GLYATL2: variants seen among roughly 807,000 people sequenced by gnomAD.
GLYATL2 encodes the protein glycine N-acyltransferase-like protein 2.
GLYATL2 carries 25 observed loss-of-function variants against 21.4 expected under a neutral mutation model. The observed-to-expected ratio is 1.17, with a 90% CI of 0.85 to 1.63. The LOEUF is 1.63. Ranked by LOEUF, GLYATL2 falls within the 40% of genes most tolerant of loss-of-function variation. The probability of loss-of-function intolerance (pLI) is 0.00; values close to 1 mark genes in which losing one functional copy is unlikely to be tolerated. For synonymous variants in GLYATL2, 114 were observed against 118.2 expected, an observed-to-expected ratio of 0.96 and a Z score of 0.23; for missense variants, 361 against 343.3, an observed-to-expected ratio of 1.05 and a Z score of -0.41.
intron 1 of GLYATL2, among the ~76,000 whole-genome samples, chr11:58,874,443 T>C (rs1407244145): frequency 6.6e-6 from 1 of 152,246 alleles, no homozygotes; most frequent in African/African-American, 2.4e-5. Context: ...TAAATTTCCC[T>C]CTACACACTG....
intron 1 of GLYATL2, among the ~76,000 whole-genome samples, chr11:58,900,600 G>T (rs1391578749): frequency 2.6e-5 from 4 of 152,268 alleles, no homozygotes; most frequent in East Asian, 3.9e-4. Context: ...CGTGACGGGG[G>T]GTAGGTTTGC....
At chr11:58,905,240 C>T (rs1854834628), upstream of GLYATL2, among the ~76,000 whole-genome samples, 1 of 152,388 alleles carries the variant, frequency 6.6e-6, no homozygotes, top group Admixed American at 6.5e-5. Flanking sequence ...GCCAGCCCCT[C>T]CACGAAGTTG....
chr11:58,906,689 T>C (rs901659432), upstream of GLYATL2, among the ~76,000 whole-genome samples: 1 of 152,176 alleles, frequency 6.6e-6, no homozygotes, highest in Non-Finnish European at 1.5e-5. Context: ...CATGTTAGGG[T>C]AGCGCTGCTG....
rs4019865 is a variant in GLYATL2 at position 58,856,289 on chromosome 11, T to G, written n.61-17921A>C. ...AGAGTCTTGCTCAGGATTAAGCTTT[T>G]GTTTATGAATGTTGTGGCTAGTTTA... is the stretch of plus-strand genomic sequence containing the variant. On this transcript the variant is annotated intron_variant and non_coding_transcript_variant, in intron 1 of 4. Transcript: ENST00000533636. 6.5e-3 allele frequency among the ~76,000 whole-genome samples: 996 copies of G among 152,392 alleles called. 11 individuals are homozygous for G. The highest frequency in any genetic ancestry group is 0.023 in the African/African-American group (947 of 41,598).
chr11:58,873,965 G>C (rs1351988549), intron 1 of GLYATL2, among the ~76,000 whole-genome samples: 4 of 151,964 alleles, frequency 2.6e-5, no homozygotes, highest in Admixed American at 6.6e-5. Flanking sequence ...AATTTCAGAG[G>C]GTGTTATTGG....
At chr11:58,907,437 A>G (rs909873236), upstream of GLYATL2, 1 of 452,072 alleles carries the variant, frequency 2.2e-6, no homozygotes, top group African/African-American at 2.0e-5. Flanking sequence ...CATGATGTCT[A>G]GTTCCTTGCA....
At chr11:58,897,321 C>T (rs974121788) in intron 1 of GLYATL2, among the ~76,000 whole-genome samples, 4 of 152,152 alleles carry the variant, frequency 2.6e-5, no homozygotes, top group African/African-American at 9.7e-5. Context: ...ATAAATCAAG[C>T]CTTGCCATGC....
intron 1 of GLYATL2, among the ~76,000 whole-genome samples, chr11:58,895,370 C>T (rs4939238): frequency 0.87 from 132,245 of 151,992 alleles, 58,782 homozygotes; most frequent in Non-Finnish European, 0.96. Flanking sequence ...GTCCAAGAAG[C>T]ATGCATTAAT....
chr11:58,834,689 C>T lies in GLYATL2; in HGVS notation c.625G>A (p.Gly209Ser). 1 of 1,613,426 alleles carries T rather than the reference C, an allele frequency of 6.2e-7. No individual in the cohort carries two copies. The highest frequency in any genetic ancestry group is 8.5e-7 in the Non-Finnish European group (1 of 1,179,990). The change falls in exon 6 of 6, where the codon GGC becomes AGC. Residue 209 changes from glycine (G) to serine (S), a missense_variant. Gly to Ser is a moderately conservative substitution (Grantham distance 56). Transcript: ENST00000287275. ...FLGFGVLGPE[G>S]QLVSWIVMEQ... ...ATCACAATCCAAGAGACAAGCTGGCCCTCTGGACCCAGCACACCAAATCCT... is the reference window on the plus strand; with the variant it reads ...ATCACAATCCAAGAGACAAGCTGGCTCTCTGGACCCAGCACACCAAATCCT...
intron 1 of GLYATL2, 73 bp from the exon 2 acceptor site, chr11:58,839,725 A>C (rs1448431398): frequency 1.5e-6 from 1 of 677,942 alleles, no homozygotes; most frequent in Non-Finnish European, 2.5e-6. Flanking sequence ...AGGAAGGAGA[A>C]GTCACCAGGG....
intron 1 of GLYATL2, chr11:58,892,760 A>G (rs530083902): frequency 8.4e-5 from 29 of 343,628 alleles, no homozygotes; most frequent in African/African-American, 5.3e-4. Flanking sequence ...TATGGAAGAT[A>G]TCCTGAAGCT....
chr11:58,878,425 T>C (rs1190486712), intron 1 of GLYATL2: 1 of 450,208 alleles, frequency 2.2e-6, no homozygotes, highest in Non-Finnish European at 3.4e-6. Context: ...ATTTGTGTTT[T>C]GAGCTCTCTG....
chr11:58,889,553 C>T (rs1854504095), intron 1 of GLYATL2, among the ~76,000 whole-genome samples: 2 of 151,962 alleles, frequency 1.3e-5, no homozygotes, highest in South Asian at 2.1e-4. Flanking sequence ...TCCTCTTGTT[C>T]CTACATTCAT....
chr11:58,874,820 C>G (rs1432457921), intron 1 of GLYATL2, among the ~76,000 whole-genome samples: 3 of 152,138 alleles, frequency 2.0e-5, no homozygotes, highest in African/African-American at 7.2e-5. Flanking sequence ...TGGTGCAGAG[C>G]TGAGTTCAAT....
chr11:58,868,077 C>G lies in GLYATL2; in HGVS notation n.61-29709G>C, dbSNP rs538890010. On this transcript the variant is annotated intron_variant and non_coding_transcript_variant, in intron 1 of 4. Transcript: ENST00000533636. Reference sequence around the variant, plus strand: ...AGCAGCCCTACAGATGGGAGAGGAGCCTACAGATGGGAGAGGAAGCCATTC... The same window carrying G: ...AGCAGCCCTACAGATGGGAGAGGAGGCTACAGATGGGAGAGGAAGCCATTC... 2.2e-4 allele frequency among the ~76,000 whole-genome samples: 33 copies of G among 148,724 alleles called. 1 individual carries two copies. Among genetic ancestry groups the G allele is most frequent in the African/African-American group, 8.0e-4 (33 of 41,340 alleles).
chr11:58,838,276 G>C lies in GLYATL2; in HGVS notation c.171C>G (p.Thr57=), dbSNP rs1853476499. ...DAWPDYQIVI[T]RPQKQEMKDD... Reference sequence around the variant, plus strand: ...TTGCTCCTACCTGTTTCTGAGGCCGGGTAATGACGATCTGGTAATCTGGCC... The same window carrying C: ...TTGCTCCTACCTGTTTCTGAGGCCGCGTAATGACGATCTGGTAATCTGGCC... The change falls in exon 3 of 6, where the codon ACC becomes ACG. Residue 57 remains threonine (T), a synonymous_variant. Coordinates refer to ENST00000287275, the MANE Select transcript of GLYATL2 (RefSeq NM_145016.4). 1 of 1,611,010 alleles carries C rather than the reference G, an allele frequency of 6.2e-7. No individual in the cohort carries two copies.
intron 1 of GLYATL2, among the ~76,000 whole-genome samples, chr11:58,903,900 T>C (rs1854789434): frequency 6.6e-6 from 1 of 152,090 alleles, no homozygotes; most frequent in Non-Finnish European, 1.5e-5. Flanking sequence ...GATTAGTATC[T>C]CCAAGTCAAT....
chr11:58,840,485 G>A (rs1853526953), intron 1 of GLYATL2, among the ~76,000 whole-genome samples: 2 of 152,072 alleles, frequency 1.3e-5, no homozygotes, highest in South Asian at 4.1e-4. Flanking sequence ...AGTGTTTAAT[G>A]ACATAGGAAA....
At chr11:58,881,455 T>A (rs867704471) in intron 1 of GLYATL2, among the ~76,000 whole-genome samples, 9 of 152,218 alleles carry the variant, frequency 5.9e-5, no homozygotes, top group East Asian at 1.9e-4. Flanking sequence ...CATTTTTTTT[T>A]AATTTTTGTA....
Sources: gnomAD v4.1 joint callset for allele counts (sites outside exome capture counted in the v4.1 genomes callset) on GRCh38, gnomAD v4.1.1 for gene constraint, MANE v1.5 for transcripts, NCBI Gene and HGNC (gene_info 2026-07-23, HGNC 2026-07-21) for gene names.